The following LRRTM4 variants were observed in gnomAD, a reference collection of about 807,000 sequenced individuals.
LRRTM4 encodes the protein leucine rich repeat transmembrane neuronal 4, also known as leucine-rich repeat transmembrane neuronal protein 4.
LRRTM4 carries 25 observed loss-of-function variants against 47.6 expected under a neutral mutation model. That is an observed-to-expected ratio of 0.53 (90% confidence interval 0.38 to 0.73). The LOEUF is 0.73. Among genes scored for constraint, LRRTM4 ranks in the 30% least tolerant of loss-of-function variants. The pLI is 0.00. For synonymous variants in LRRTM4, 311 were observed against 269.5 expected, an observed-to-expected ratio of 1.15 and a Z score of -1.51; for missense variants, 638 against 713.4, an observed-to-expected ratio of 0.89 and a Z score of 1.20.
chr2:77,206,161 CTG>C (rs1247574915), intron 3 of LRRTM4, among the ~76,000 whole-genome samples: 1 of 148,280 alleles, frequency 6.7e-6, no homozygotes, highest in Admixed American at 6.8e-5. Context: ...TGCCAATACA[CTG>C]TAATTTCAAA....
At chr2:77,230,116 G>A (rs184117829) in intron 3 of LRRTM4, among the ~76,000 whole-genome samples, 436 of 152,134 alleles carry the variant, frequency 2.9e-3, no homozygotes, top group Non-Finnish European at 4.8e-3. Context: ...GGAGTTTTCG[G>A]TATCTTGCTG....
chr2:76,861,940 G>A (rs1002864510), intron 3 of LRRTM4, among the ~76,000 whole-genome samples: 11 of 152,122 alleles, frequency 7.2e-5, no homozygotes, highest in Non-Finnish European at 4.4e-5. Context: ...GCCCAAAGCA[G>A]CTAAATCAAT....
intron 3 of LRRTM4, among the ~76,000 whole-genome samples, chr2:76,904,225 C>G (rs969084840): frequency 6.6e-6 from 1 of 152,208 alleles, no homozygotes; most frequent in Non-Finnish European, 1.5e-5. Context: ...TAGCATGTGA[C>G]AACCTCACAG....
intron 3 of LRRTM4, among the ~76,000 whole-genome samples, chr2:76,796,145 G>A (rs1326213158): frequency 3.5e-5 from 5 of 143,900 alleles, no homozygotes; most frequent in African/African-American, 5.1e-5. Flanking sequence ...ATTATATCCC[G>A]CACATGGCTC....
chr2:77,136,760 C>T (rs1172197404), intron 3 of LRRTM4, among the ~76,000 whole-genome samples: 6 of 150,000 alleles, frequency 4.0e-5, no homozygotes, highest in Admixed American at 4.0e-4. Context: ...ACTAGAATAA[C>T]CAGTGTAGAG....
intron 3 of LRRTM4, among the ~76,000 whole-genome samples, chr2:77,072,119 C>CA (rs926013610): frequency 1.1e-4 from 16 of 152,044 alleles, no homozygotes; most frequent in Non-Finnish European, 1.5e-4. Context: ...CTGAAAAACT[C>CA]AGAGTCATAA....
intron 3 of LRRTM4, among the ~76,000 whole-genome samples, chr2:77,015,575 T>C (rs57378305): frequency 0.029 from 4,410 of 152,042 alleles, 255 homozygotes; most frequent in African/African-American, 0.1. Context: ...CCACCCGCCT[T>C]GGCCTCCCAA....
Position 76,748,915 on chromosome 2 carries a change from A to G in LRRTM4, c.1553T>C (p.Met518Thr). 1 of 1,613,600 alleles carries G rather than the reference A, an allele frequency of 6.2e-7. No individual in the cohort carries two copies. Among genetic ancestry groups the G allele is most frequent in the Non-Finnish European group, 8.5e-7 (1 of 1,179,576 alleles). ...TGGCAAGGGCTTCATGTGGTGTGGC[A>G]TCTGGATATGAGAAATAGAAAGATG... The part of the protein sequence containing the change: ...YTISGSRECE[M>T]PHHMKPLPYY... The change falls in exon 4 of 4, where the codon ATG (methionine) becomes ACG (threonine). Residue 518 changes from methionine (M) to threonine (T), a missense_variant and splice_region_variant. Met to Thr is a moderately conservative substitution (Grantham distance 81). Coordinates refer to ENST00000409884, the MANE Select transcript of LRRTM4 (RefSeq NM_001134745.3).
At chr2:76,782,826 C>A (rs1327930441) in intron 3 of LRRTM4, among the ~76,000 whole-genome samples, 1 of 152,114 alleles carries the variant, frequency 6.6e-6, no homozygotes, top group Admixed American at 6.5e-5. Context: ...CCTACAAGTA[C>A]ATTACATTGA....
At chr2:77,121,574 A>G (rs1464429310) in intron 3 of LRRTM4, among the ~76,000 whole-genome samples, 3 of 151,868 alleles carry the variant, frequency 2.0e-5, no homozygotes, top group African/African-American at 7.2e-5. Flanking sequence ...GCCATGAAAT[A>G]TATAAAACTG....
intron 3 of LRRTM4, among the ~76,000 whole-genome samples, chr2:77,108,108 A>G (rs964070932): frequency 6.6e-6 from 1 of 152,172 alleles, no homozygotes; most frequent in African/African-American, 2.4e-5. Context: ...AGTGGAAGAA[A>G]GACTTGGAAA....
chr2:76,900,542 G>T (rs1165082789), intron 3 of LRRTM4, among the ~76,000 whole-genome samples: 2 of 151,948 alleles, frequency 1.3e-5, no homozygotes, highest in African/African-American at 2.4e-5. Context: ...ATAGTTCCTG[G>T]TATATTATGG....
intron 3 of LRRTM4, among the ~76,000 whole-genome samples, chr2:76,784,889 C>CAATT (rs1213396358): frequency 6.6e-6 from 1 of 152,050 alleles, no homozygotes; most frequent in Non-Finnish European, 1.5e-5. Context: ...ATCATAGAAG[C>CAATT]AGTTATTTTA....
intron 3 of LRRTM4, among the ~76,000 whole-genome samples, chr2:76,959,016 A>G (rs1675767946): frequency 6.6e-6 from 1 of 151,586 alleles, no homozygotes. Context: ...GTTTTTCGGA[A>G]AAGGGCCTCC....
intron 3 of LRRTM4, among the ~76,000 whole-genome samples, chr2:76,945,812 A>C (rs2103873974): frequency 6.6e-6 from 1 of 151,968 alleles, no homozygotes; most frequent in South Asian, 2.1e-4. Flanking sequence ...ATTACAGAAA[A>C]GTAGACTTTT....
chr2:77,164,865 A>C (rs543850167), intron 3 of LRRTM4, among the ~76,000 whole-genome samples: 27 of 152,330 alleles, frequency 1.8e-4, no homozygotes, highest in African/African-American at 5.5e-4. Context: ...AAAGCAGAAA[A>C]GATCTAAAAT....
At chr2:76,987,127 T>C (rs1676825938) in intron 3 of LRRTM4, among the ~76,000 whole-genome samples, 1 of 151,922 alleles carries the variant, frequency 6.6e-6, no homozygotes, top group African/African-American at 2.4e-5. Flanking sequence ...AATCCTCACA[T>C]TTTTTGTAAA....
chr2:77,113,408 CG>C (rs1553391941), intron 3 of LRRTM4, among the ~76,000 whole-genome samples: 3 of 152,218 alleles, frequency 2.0e-5, no homozygotes, highest in Non-Finnish European at 4.4e-5. Context: ...TAAGATTGAG[CG>C]GCGCATAGCG....
chr2:77,204,199 T>C (rs1403465427), intron 3 of LRRTM4, among the ~76,000 whole-genome samples: 1 of 152,122 alleles, frequency 6.6e-6, no homozygotes, highest in Non-Finnish European at 1.5e-5. Flanking sequence ...CACATAGCAC[T>C]GAGTAGCTGG....
Sources: gnomAD v4.1 joint callset for allele counts (sites outside exome capture counted in the v4.1 genomes callset) on GRCh38, gnomAD v4.1.1 for gene constraint, MANE v1.5 for transcripts, NCBI Gene and HGNC (gene_info 2026-07-23, HGNC 2026-07-21) for gene names.